Variants in NECAB2 observed in about 807,000 individuals in gnomAD.
NECAB2 encodes the protein N-terminal EF-hand calcium-binding protein 2.
Under a neutral mutation model 51.9 loss-of-function variants are expected in NECAB2, and 68 were observed. That is an observed-to-expected ratio of 1.31 (90% CI 1.08 to 1.60). The LOEUF is 1.60. Ranked by LOEUF, NECAB2 falls within the 40% of genes most tolerant of loss-of-function variation. The pLI is 0.00. For missense variants in NECAB2, 854 were observed against 490.3 expected, an observed-to-expected ratio of 1.74 and a Z score of -7.00; for synonymous variants, 329 against 203.5, an observed-to-expected ratio of 1.62 and a Z score of -5.25.
intron 5 of NECAB2, among the ~76,000 whole-genome samples, chr16:83,984,643 A>C (rs1240250628): frequency 6.6e-6 from 1 of 152,006 alleles, no homozygotes; most frequent in Non-Finnish European, 1.5e-5. Flanking sequence ...AGGTGAGAGG[A>C]TCTCTGGAGC....
In NECAB2 at chr16:83,998,205, C is replaced by T. The variant is rs753274880; in HGVS notation, c.850C>T (p.His284Tyr). The change falls in exon 10 of 13, where the codon CAC becomes TAC. Residue 284 changes from histidine to tyrosine, a missense_variant and splice_region_variant. His to Tyr is a moderately conservative substitution (Grantham distance 83). Transcript: ENST00000305202. ...RLSDEDGTNM[H>Y]LQLVRQEMAV... ...CACTGACTCCTGCTGTGCCCGGCAG[C>T]ACCTGCAGCTGGTCCGGCAGGAGAT... 5.6e-6 allele frequency: 9 copies of T among 1,608,496 alleles called. No homozygotes were observed. The highest frequency in any genetic ancestry group is 5.3e-5 in the African/African-American group (4 of 74,934).
Position 83,997,198 on chromosome 16 carries a change from T to C in NECAB2, c.796-18T>C. ...TGGGGCTCTGGGTCTAGCATCACTG[T>C]GTGCTGGATTGTTTCAGGCACTGTG... On this transcript the variant is annotated intron_variant, in intron 8 of 12. Transcript: ENST00000305202. 1 of 1,614,052 alleles carries C rather than the reference T, an allele frequency of 6.2e-7. No individual in the cohort carries two copies. The highest frequency in any genetic ancestry group is 8.5e-7 in the Non-Finnish European group (1 of 1,179,974).
At chr16:83,985,132 G>T (rs2084536260) in intron 5 of NECAB2, among the ~76,000 whole-genome samples, 2 of 151,798 alleles carry the variant, frequency 1.3e-5, no homozygotes, top group South Asian at 4.1e-4. Flanking sequence ...GGCCAACATG[G>T]TGAAACCCTG....
intron 5 of NECAB2, 36 bp from the exon 6 acceptor site, chr16:83,990,458 C>G (rs773165119): frequency 1.4e-5 from 22 of 1,610,032 alleles, no homozygotes; most frequent in Non-Finnish European, 1.8e-5. Flanking sequence ...CCCTCCCACC[C>G]CTTTCCCCTC....
At chr16:84,001,511 T>A (rs1392856183) in intron 11 of NECAB2, among the ~76,000 whole-genome samples, 1 of 152,082 alleles carries the variant, frequency 6.6e-6, no homozygotes, top group African/African-American at 2.4e-5. Context: ...AGCTTCTGTG[T>A]TGTCATGGGT....
Position 83,998,187 on chromosome 16 carries a change from T to G in NECAB2, c.850-18T>G. ...GCCTGACGTGGAGCCCCACACTGAC[T>G]CCTGCTGTGCCCGGCAGCACCTGCA... is the stretch of plus-strand genomic sequence containing the variant. On this transcript the variant is annotated intron_variant, in intron 9 of 12. Coordinates refer to ENST00000305202, the MANE Select transcript of NECAB2 (RefSeq NM_019065.3). The G allele has an allele frequency of 6.2e-7, 1 of 1,604,610 alleles. No homozygotes were observed. The highest frequency in any genetic ancestry group is 1.1e-5 in the South Asian group (1 of 90,664).
chr16:83,986,390 T>G (rs770846948), intron 5 of NECAB2, among the ~76,000 whole-genome samples: 7 of 152,200 alleles, frequency 4.6e-5, no homozygotes, highest in Non-Finnish European at 1.0e-4. Context: ...TGAAAGAACT[T>G]GTGCACTAAT....
rs1184945594 is a variant in NECAB2 at position 84,002,558 on chromosome 16, C to T, written c.*212C>T. 3 of 651,582 alleles carry T rather than the reference C, an allele frequency of 4.6e-6. No individual in the cohort carries two copies. The highest frequency in any genetic ancestry group is 7.9e-6 in the Non-Finnish European group (3 of 380,520). 40.4% of individuals were successfully genotyped at this position (651,582 alleles called of 1,614,324 possible). ...CTGTGCTGCCAGGTCCTGGTGAAGC[C>T]CAAGGTTGAAGGGGGCGGCTTCCTG... On this transcript the variant is annotated 3_prime_UTR_variant, in exon 13 of 13. Transcript: ENST00000305202.
chr16:83,966,886 C>CT (rs944368434), upstream of NECAB2, among the ~76,000 whole-genome samples: 81 of 151,080 alleles, frequency 5.4e-4, no homozygotes, highest in African/African-American at 1.7e-3. Context: ...GTTTTTTTTT[C>CT]TTTTTTTTGA....
In NECAB2 at chr16:83,968,246, C is replaced by T. The variant is rs928521969; in HGVS notation, c.-403C>T. Among the ~76,000 whole-genome samples, 7 of 151,354 alleles carry T rather than the reference C, an allele frequency of 4.6e-5. No individual in the cohort carries two copies. The highest frequency in any genetic ancestry group is 1.7e-4 in the African/African-American group (7 of 41,280). ...TCGCTGGACACCCGCGCTTCGGCCT[C>T]TGCTGCGCGCCGCGAGTGGGAGGGG... is the stretch of plus-strand genomic sequence containing the variant. On this transcript the variant is annotated 5_prime_UTR_variant, in exon 1 of 13. Transcript: ENST00000305202.
At chr16:84,000,482 C>G (rs994106020) in intron 10 of NECAB2, among the ~76,000 whole-genome samples, 1 of 152,090 alleles carries the variant, frequency 6.6e-6, no homozygotes, top group African/African-American at 2.4e-5. Flanking sequence ...GACCCTATCT[C>G]AAAAGAAAAA....
chr16:83,965,257 G>A, upstream of NECAB2: 1 of 1,611,062 alleles, frequency 6.2e-7, no homozygotes, highest in Non-Finnish European at 8.5e-7. Context: ...TCCTGACCAG[G>A]AACCAGGCCC....
At chr16:83,983,899 A>G (rs1163582749) in intron 5 of NECAB2, among the ~76,000 whole-genome samples, 2 of 152,018 alleles carry the variant, frequency 1.3e-5, no homozygotes, top group Non-Finnish European at 2.9e-5. Flanking sequence ...AGTGTTAAAC[A>G]GGGGAGGGGA....
chr16:83,981,672 G>T (rs1415777454), intron 5 of NECAB2, among the ~76,000 whole-genome samples: 2 of 152,246 alleles, frequency 1.3e-5, no homozygotes, highest in East Asian at 3.9e-4. Context: ...GCTGCTGGCT[G>T]GGATGAGTGG....
In NECAB2 at chr16:84,002,495, G is replaced by A. The variant is rs534508833; in HGVS notation, c.*149G>A. On this transcript the variant is annotated 3_prime_UTR_variant, in exon 13 of 13. Transcript: ENST00000305202. ...TGTTTCCCTGTTGTTAAGTGAAGGA[G>A]GCCGCCCCTGCCCCCACCTGAGAAG... The A allele has an allele frequency of 2.9e-6, 3 of 1,028,576 alleles. No individual in the cohort carries two copies. The highest frequency in any genetic ancestry group is 2.8e-5 in the South Asian group (2 of 71,760). 63.7% of individuals were successfully genotyped at this position (1,028,576 alleles called of 1,614,324 possible).
At chr16:83,973,672 A>G (rs1340377834) in intron 2 of NECAB2, among the ~76,000 whole-genome samples, 1 of 152,132 alleles carries the variant, frequency 6.6e-6, no homozygotes, top group Admixed American at 6.6e-5. Flanking sequence ...TGGCTCCTCC[A>G]GCAGGTTGAG....
chr16:83,975,949 C>T lies in NECAB2; in HGVS notation c.227-2495C>T, dbSNP rs576957877. On this transcript the variant is annotated intron_variant, in intron 2 of 12. Coordinates refer to ENST00000305202, the MANE Select transcript of NECAB2 (RefSeq NM_019065.3). Reference sequence around the variant, plus strand: ...TGAATTCATTAGGGCCGTGATCAGGCGTTCAGGATAAATGTCAGCCGAAAG... The same window carrying T: ...TGAATTCATTAGGGCCGTGATCAGGTGTTCAGGATAAATGTCAGCCGAAAG... Among the ~76,000 whole-genome samples, 7 of 152,262 alleles carry T rather than the reference C, an allele frequency of 4.6e-5. No individual in the cohort carries two copies. In the East Asian group the frequency reaches 7.7e-4, roughly 17 times the overall value.
chr16:84,000,494 T>C (rs994180998), intron 10 of NECAB2, among the ~76,000 whole-genome samples: 3 of 152,126 alleles, frequency 2.0e-5, no homozygotes, highest in Non-Finnish European at 4.4e-5. Flanking sequence ...AAAGAAAAAC[T>C]ACACTGCATT....
intron 5 of NECAB2, among the ~76,000 whole-genome samples, chr16:83,983,032 G>A (rs752741166): frequency 4.0e-5 from 6 of 151,630 alleles, no homozygotes; most frequent in Non-Finnish European, 8.8e-5. Flanking sequence ...CCACTCCTGG[G>A]TAATTTTTGT....
Sources: gnomAD v4.1 joint callset for allele counts (sites outside exome capture counted in the v4.1 genomes callset) on GRCh38, gnomAD v4.1.1 for gene constraint, MANE v1.5 for transcripts, NCBI Gene and HGNC (gene_info 2026-07-23, HGNC 2026-07-21) for gene names.